Variants in MRPS9 observed in about 807,000 individuals in gnomAD.
MRPS9 encodes mitochondrial ribosomal protein S9.
MRPS9 carries 45 observed loss-of-function variants against 59.9 expected under a neutral mutation model. The observed-to-expected ratio is 0.75, with a 90% CI of 0.59 to 0.96. The LOEUF (loss-of-function observed/expected upper bound fraction) is 0.96. Among genes scored for constraint, MRPS9 ranks in the 40% least tolerant of loss-of-function variants. The pLI, the probability that MRPS9 is intolerant of heterozygous loss-of-function variation, is 0.00. For missense variants in MRPS9, 473 were observed against 481.1 expected (o/e 0.98, Z 0.16); for synonymous variants, 171 against 166.8 (o/e 1.03, Z -0.19).
In MRPS9 at chr2:105,099,785, G is replaced by A; in HGVS notation, c.*24G>A. 7 of 1,610,360 alleles carry A rather than the reference G, an allele frequency of 4.3e-6. No homozygotes were observed. The highest frequency in any genetic ancestry group is 5.9e-6 in the Non-Finnish European group (7 of 1,176,800). On this transcript the variant is annotated 3_prime_UTR_variant, in exon 11 of 11. Transcript: ENST00000258455. ...AAGGGTTTGCTCCCAGGAAAGGAGA[G>A]GAAGAGCTATATATATGTGCCGACA...
chr2:105,077,021 G>T (rs968265032), intron 4 of MRPS9, among the ~76,000 whole-genome samples: 1 of 152,168 alleles, frequency 6.6e-6, no homozygotes, highest in African/African-American at 2.4e-5. Flanking sequence ...GGCCGAGGCA[G>T]GTGGATCACA....
chr2:105,074,770 T>C (rs934617995), intron 4 of MRPS9, among the ~76,000 whole-genome samples: 1 of 152,134 alleles, frequency 6.6e-6, no homozygotes, highest in Non-Finnish European at 1.5e-5. Flanking sequence ...GTTGAAAGAA[T>C]AATATAATTG....
intron 8 of MRPS9, among the ~76,000 whole-genome samples, 187 bp from the exon 9 acceptor site, chr2:105,093,343 C>T (rs921632950): frequency 1.3e-5 from 2 of 152,050 alleles, no homozygotes; most frequent in African/African-American, 2.4e-5. Context: ...CCACAATGAG[C>T]TTTATTGCAT....
In MRPS9 at chr2:105,099,706, G is replaced by A; in HGVS notation, c.1136G>A (p.Arg379Gln). 5 of 1,614,124 alleles carry A rather than the reference G, an allele frequency of 3.1e-6. No individual in the cohort carries two copies. The highest frequency in any genetic ancestry group is 4.2e-6 in the Non-Finnish European group (5 of 1,180,032). ...ACTACTGATCCACGTGTGAGGGAAC[G>A]GAAGAAGCCAGGCCAAGAGGGAGCC... ...LLTTDPRVRE[R>Q]KKPGQEGARR... is the part of the protein sequence containing the mutation. Residue 379 changes from arginine (R) to glutamine (Q), a missense_variant, in exon 11 of 11, where the codon CGG (arginine) becomes CAG (glutamine). Coordinates refer to ENST00000258455, the MANE Select transcript of MRPS9 (RefSeq NM_182640.3).
intron 10 of MRPS9, 103 bp from the exon 11 acceptor site, chr2:105,099,566 GT>G (rs935985015): frequency 1.1e-5 from 12 of 1,085,346 alleles, no homozygotes; most frequent in South Asian, 3.5e-5. Flanking sequence ...CTTTCCTCTA[GT>G]TTTTTTTCTC....
intron 1 of MRPS9, among the ~76,000 whole-genome samples, chr2:105,044,919 G>A (rs1443981756): frequency 3.3e-5 from 5 of 152,200 alleles, no homozygotes; most frequent in African/African-American, 1.2e-4. Flanking sequence ...AGCTCTATGA[G>A]ATGGGATAAG....
intron 5 of MRPS9, among the ~76,000 whole-genome samples, chr2:105,084,398 CTCCAGT>C (rs1255318152): frequency 6.6e-6 from 1 of 152,004 alleles, no homozygotes; most frequent in Non-Finnish European, 1.5e-5. Flanking sequence ...TTTGGAGAAT[CTCCAGT>C]TCATTTTAAA....
chr2:105,068,622 G>A (rs1464685702), intron 2 of MRPS9, among the ~76,000 whole-genome samples: 1 of 152,168 alleles, frequency 6.6e-6, no homozygotes, highest in East Asian at 1.9e-4. Context: ...CAACCCTTGA[G>A]AAATCATTTT....
chr2:105,043,241 G>C (rs1679532303), intron 1 of MRPS9, among the ~76,000 whole-genome samples: 1 of 152,280 alleles, frequency 6.6e-6, no homozygotes, highest in East Asian at 1.9e-4. Flanking sequence ...AGTATGTTAA[G>C]TGTCTTAATT....
At chr2:105,066,467 T>G (rs1401329565) in intron 2 of MRPS9, among the ~76,000 whole-genome samples, 1 of 152,218 alleles carries the variant, frequency 6.6e-6, no homozygotes, top group Non-Finnish European at 1.5e-5. Flanking sequence ...TGCTTTCTTT[T>G]CAGTTTCCAC....
At chr2:105,052,176 G>C (rs912077010) in intron 2 of MRPS9, among the ~76,000 whole-genome samples, 9 of 152,180 alleles carry the variant, frequency 5.9e-5, no homozygotes, top group African/African-American at 1.9e-4. Context: ...AATGGCAAGA[G>C]TGGATGTCCC....
intron 2 of MRPS9, among the ~76,000 whole-genome samples, chr2:105,055,727 G>T (rs1210447636): frequency 1.3e-5 from 2 of 152,142 alleles, no homozygotes; most frequent in African/African-American, 4.8e-5. Context: ...ATGGTTTTCT[G>T]TTTTCATTTA....
chr2:105,088,498 G>A lies in MRPS9; in HGVS notation c.490-486G>A, dbSNP rs571053889. Among the ~76,000 whole-genome samples, 467 of 152,080 alleles carry A rather than the reference G, an allele frequency of 3.1e-3. 3 individuals carry two copies. The highest frequency in any genetic ancestry group is 6.8e-3 in the Middle Eastern group (2 of 294). On this transcript the variant is annotated intron_variant, in intron 5 of 10. Transcript: ENST00000258455. ...GCTCTTTTTAAGATAAAAACTATAT[G>A]ATAAGGACTTCAATATTATTTAAAT...
intron 4 of MRPS9, among the ~76,000 whole-genome samples, chr2:105,078,315 A>ATGT (rs1553442677): frequency 2.7e-5 from 4 of 147,466 alleles, no homozygotes; most frequent in African/African-American, 1.0e-4. Flanking sequence ...GGTGAAGTCA[A>ATGT]GTGTGTGTGT....
chr2:105,038,327 G>A (rs566757349), intron 1 of MRPS9, 100 bp downstream of exon 1: 93 of 1,467,738 alleles, frequency 6.3e-5, no homozygotes, highest in Non-Finnish European at 8.5e-5. Flanking sequence ...CTTCAGGCAG[G>A]GACTCTAGGA....
In MRPS9 at chr2:105,071,574, C is replaced by T. The variant is rs531314091; in HGVS notation, c.409+85C>T. On this transcript the variant is annotated intron_variant, in intron 4 of 10. Coordinates refer to ENST00000258455, the MANE Select transcript of MRPS9 (RefSeq NM_182640.3). ...TATGTATCAGCGGTTGCTCACATAT[C>T]GTAGGGTGGCCTTCCTGTGTCACAG... 5 of 1,305,934 alleles carry T rather than the reference C, an allele frequency of 3.8e-6. No individual in the cohort carries two copies. In the South Asian group the frequency reaches 4.2e-5, roughly 11 times the overall value. The allele number at this position is 1,305,934 out of a possible 1,614,324, so 80.9% of individuals were successfully genotyped here. A position where few individuals can be genotyped will look rare whatever the true frequency, so the allele number is the denominator to read the frequency against.
chr2:105,080,809 G>A (rs1680315381), intron 5 of MRPS9, among the ~76,000 whole-genome samples: 2 of 152,004 alleles, frequency 1.3e-5, no homozygotes, highest in South Asian at 4.2e-4. Context: ...TTGAATCAGT[G>A]CACACATTTA....
Position 105,091,468 on chromosome 2 carries a change from C to T in MRPS9, c.652-933C>T, listed in dbSNP as rs978711930. The T allele has an allele frequency of 2.2e-5, 10 of 445,922 alleles. 1 individual carries two copies. The highest frequency in any genetic ancestry group is 1.8e-4 in the African/African-American group (9 of 49,384). The allele number at this position is 445,922 out of a possible 1,614,324, so 27.6% of individuals were successfully genotyped here. ...TATTTCACCCTTACTAGAAGAGTGC[C>T]TTCTCTTTCATTACATCATAGGAAG... is the stretch of plus-strand genomic sequence containing the variant. On this transcript the variant is annotated intron_variant, in intron 7 of 10. Coordinates refer to ENST00000258455, the MANE Select transcript of MRPS9 (RefSeq NM_182640.3).
At chr2:105,069,773 G>C (rs1352069017) in intron 2 of MRPS9, among the ~76,000 whole-genome samples, 1 of 151,912 alleles carries the variant, frequency 6.6e-6, no homozygotes, top group Admixed American at 6.6e-5. Context: ...AATACTGGTA[G>C]GCCAAGGCAA....
Sources: allele counts gnomAD v4.1 joint callset (sites outside exome capture counted in the v4.1 genomes callset), GRCh38; gene constraint gnomAD v4.1.1; transcripts MANE v1.5; gene names NCBI Gene and HGNC (gene_info 2026-07-23, HGNC 2026-07-21).